MKNK2: variants seen among roughly 807,000 people sequenced by gnomAD.
MKNK2 encodes MAP kinase-interacting serine/threonine-protein kinase 2.
Under a neutral mutation model 55.0 loss-of-function variants are expected in MKNK2, and 54 were observed. The ratio of observed to expected loss-of-function variants is 0.98; its 90% confidence interval spans 0.79 to 1.23. The LOEUF (loss-of-function observed/expected upper bound fraction) is 1.23, where lower values mean the gene tolerates loss of function less well. Among genes scored for constraint, MKNK2 ranks in the 50% most tolerant of loss-of-function variants. MKNK2 has a pLI of 0.00. For missense variants in MKNK2, 685 were observed against 632.1 expected (o/e 1.08, Z -0.90); for synonymous variants, 323 against 256.0 (o/e 1.26, Z -2.50).
chr19:2,040,658 T>C (rs2016857175), intron 12 of MKNK2: 2 of 299,418 alleles, frequency 6.7e-6, no homozygotes, highest in Non-Finnish European at 1.3e-5. Context: ...ACCCGACTCC[T>C]CCTCGACTGG....
chr19:2,046,404 G>C lies in MKNK2; in HGVS notation c.204C>G (p.Arg68=), dbSNP rs34916924. The part of the protein sequence containing the change: ...DAKKRGKKKK[R]GRATDSFSGR... Reference sequence around the variant, plus strand: ...CCGAGAAGCTGTCGGTGGCCCGGCCGCGCTTCTTCTTCTTGCCCCTCTTCT... The same window carrying C: ...CCGAGAAGCTGTCGGTGGCCCGGCCCCGCTTCTTCTTCTTGCCCCTCTTCT... Residue 68 remains arginine, a synonymous_variant, in exon 4 of 14, where the codon CGC becomes CGG. Transcript: ENST00000250896. The C allele has an allele frequency of 6.2e-7, 1 of 1,608,942 alleles. No homozygotes were observed. The highest frequency in any genetic ancestry group is 1.7e-5 in the Admixed American group (1 of 60,010).
chr19:2,050,760 G>T, intron 2 of MKNK2, 41 bp downstream of exon 2: 2 of 1,520,132 alleles, frequency 1.3e-6, no homozygotes, highest in Non-Finnish European at 1.8e-6. Context: ...CCATTCCGGT[G>T]GTCCAGCCCG....
Position 2,041,704 on chromosome 19 carries a change from G to A in MKNK2, c.945+136C>T, listed in dbSNP as rs1194389381. 2.5e-5 allele frequency: 17 copies of A among 667,568 alleles called. No homozygotes were observed. The Admixed American group carries it at 3.2e-4, about 12-fold the overall frequency. The allele number at this position is 667,568 out of a possible 1,614,324, so 41.4% of individuals were successfully genotyped here. ...GGAGCACACAGGGCAGGTCCCCGAG[G>A]GTTAGGGGGTGGTCAGGGGGCAGGT... On this transcript the variant is annotated intron_variant, in intron 11 of 13. Transcript: ENST00000250896.
Position 2,046,156 on chromosome 19 carries a change from T to C in MKNK2, c.339+30A>G, listed in dbSNP as rs752127040. On this transcript the variant is annotated intron_variant, in intron 5 of 13. Transcript: ENST00000250896. ...CCGCTCAACACCGATCCCAAGGCGC[T>C]GGGTTCCCCAGGGCGCGGCGCGGGC... 3.1e-6 allele frequency: 5 copies of C among 1,599,952 alleles called. No homozygotes were observed. The Admixed American group carries it at 5.0e-5, about 16-fold the overall frequency.
In MKNK2 at chr19:2,037,806, GGGA is replaced by G. The variant is rs1464388042; in HGVS notation, c.*1804_*1806del. 1 of 1,605,434 alleles carries G rather than the reference GGGA, an allele frequency of 6.2e-7. No homozygotes were observed. Among genetic ancestry groups the G allele is most frequent in the African/African-American group, 1.3e-5 (1 of 74,272 alleles). The stretch of plus-strand genomic sequence containing the variant: ...CACGTGGATGCGACAGGGGTGGGGA[GGGA>G]GGAGGAAGTGACTGTCCCACCTTCA... On this transcript the variant is annotated 3_prime_UTR_variant, in exon 14 of 14. Transcript: ENST00000250896.
At position 2,042,450 on chromosome 19, in the gene MKNK2, A is replaced by T; in HGVS notation, c.727T>A (p.Ser243Thr). 6.3e-7 allele frequency: 1 copy of T among 1,587,006 alleles called. No homozygotes were observed. The highest frequency in any genetic ancestry group is 8.6e-7 in the Non-Finnish European group (1 of 1,168,396). The change falls in exon 10 of 14, where the codon TCC becomes ACC. Residue 243 changes from serine (S) to threonine (T), a missense_variant. Coordinates refer to ENST00000250896, the MANE Select transcript of MKNK2 (RefSeq NM_199054.3). ...ACCGGAGTGAGCAGCTCCGGGGTGG[A>T]GATAGGGGAGCAGTCCCCGTTGAGT... is the stretch of plus-strand genomic sequence containing the variant. The part of the protein sequence containing the change: ...IKLNGDCSPI[S>T]TPELLTPCGS...
At chr19:2,045,180 C>T (rs1178343681) in intron 5 of MKNK2, among the ~76,000 whole-genome samples, 1 of 152,148 alleles carries the variant, frequency 6.6e-6, no homozygotes, top group Non-Finnish European at 1.5e-5. Flanking sequence ...CACACCAGGT[C>T]AATGTGGCAA....
At chr19:2,041,574 G>A (rs1358208135) in intron 11 of MKNK2, among the ~76,000 whole-genome samples, 2 of 152,150 alleles carry the variant, frequency 1.3e-5, no homozygotes, top group Admixed American at 6.5e-5. Flanking sequence ...TCGGGAAACT[G>A]GCAGACAGGG....
chr19:2,038,692 G>T lies in MKNK2; in HGVS notation c.*921C>A. 1 of 985,728 alleles carries T rather than the reference G, an allele frequency of 1.0e-6. No homozygotes were observed. Among genetic ancestry groups the T allele is most frequent in the Non-Finnish European group, 1.2e-6 (1 of 830,132 alleles). The allele number at this position is 985,728 out of a possible 1,614,324, so 61.1% of individuals were successfully genotyped here. A position where few individuals can be genotyped will look rare whatever the true frequency, so the allele number is the denominator to read the frequency against. ...GCGGCGCGAGGCAGGACGTGGCTACGGTCAGACTGAGCCCTGAGAAGGGGC... is the reference window on the plus strand; with the variant it reads ...GCGGCGCGAGGCAGGACGTGGCTACTGTCAGACTGAGCCCTGAGAAGGGGC... On this transcript the variant is annotated 3_prime_UTR_variant, in exon 14 of 14. Transcript: ENST00000250896.
Position 2,038,686 on chromosome 19 carries a change from G to A in MKNK2, c.*927C>T, listed in dbSNP as rs2016807530. 2.0e-6 allele frequency: 2 copies of A among 985,780 alleles called. No homozygotes were observed. The highest frequency in any genetic ancestry group is 2.4e-6 in the Non-Finnish European group (2 of 830,144). The allele number at this position is 985,780 out of a possible 1,614,324, so 61.1% of individuals were successfully genotyped here. On this transcript the variant is annotated 3_prime_UTR_variant, in exon 14 of 14. Coordinates refer to ENST00000250896, the MANE Select transcript of MKNK2 (RefSeq NM_199054.3). ...CGAGGGGCGGCGCGAGGCAGGACGT[G>A]GCTACGGTCAGACTGAGCCCTGAGA...
intron 7 of MKNK2, 55 bp downstream of exon 7, chr19:2,043,069 A>C: frequency 6.7e-7 from 1 of 1,493,644 alleles, no homozygotes; most frequent in Non-Finnish European, 9.3e-7. Flanking sequence ...CTAGGCCCCC[A>C]TCCCGTAATA....
Position 2,043,146 on chromosome 19 carries a change from C to G in MKNK2, c.471G>C (p.Leu157=). The G allele has an allele frequency of 6.2e-7, 1 of 1,613,806 alleles. No homozygotes were observed. The highest frequency in any genetic ancestry group is 2.2e-5 in the East Asian group (1 of 44,874). ...EFFEEEDRFY[L]VFEKMRGGSI... ...TACCTCCCCGCATCTTCTCAAACAC[C>G]AGGTAGAAGCGGTCCTCCTCCTCGA... The change falls in exon 7 of 14, where the codon CTG becomes CTC. Residue 157 remains leucine, a synonymous_variant. Coordinates refer to ENST00000250896, the MANE Select transcript of MKNK2 (RefSeq NM_199054.3).
chr19:2,048,312 G>A (rs1400286041), intron 2 of MKNK2, among the ~76,000 whole-genome samples: 2 of 152,148 alleles, frequency 1.3e-5, no homozygotes, highest in African/African-American at 4.8e-5. Flanking sequence ...ATTAGAGTAG[G>A]CTTTGCCCAG....
rs552838984 is a variant in MKNK2, at chr19:2,040,030, G to T, written c.1154+104C>A. 6.9e-4 allele frequency: 984 copies of T among 1,423,814 alleles called. 1 individual carries two copies. Among genetic ancestry groups the T allele is most frequent in the Non-Finnish European group, 6.6e-4 (676 of 1,028,956 alleles). 88.2% of individuals were successfully genotyped at this position (1,423,814 alleles called of 1,614,324 possible). On this transcript the variant is annotated intron_variant, in intron 13 of 13. Coordinates refer to ENST00000250896, the MANE Select transcript of MKNK2 (RefSeq NM_199054.3). ...CTTCACTGAGTCACCAGGCTTGCCT[G>T]CCTCCCCGACCCCAAAGCAGTTCTC... is the stretch of plus-strand genomic sequence containing the variant.
At position 2,042,228 on chromosome 19, in the gene MKNK2, G is replaced by C. The variant is rs1052888442; in HGVS notation, c.751-194C>G. 4 of 710,466 alleles carry C rather than the reference G, an allele frequency of 5.6e-6. No homozygotes were observed. In the East Asian group the frequency reaches 1.2e-4, roughly 22 times the overall value. The allele number at this position is 710,466 out of a possible 1,614,324, so 44.0% of individuals were successfully genotyped here. The stretch of plus-strand genomic sequence containing the variant: ...CTCGCCCCTCCCCCGCCGCGGCCCC[G>C]CCCCACCCGGCCAAACACCGACGCG... On this transcript the variant is annotated intron_variant, in intron 10 of 13. Transcript: ENST00000250896.
intron 5 of MKNK2, among the ~76,000 whole-genome samples, chr19:2,045,206 G>A (rs543340908): frequency 4.6e-5 from 7 of 152,224 alleles, no homozygotes; most frequent in Admixed American, 3.9e-4. Context: ...CCAGGGAGGT[G>A]GCTCTGAGAC....
chr19:2,037,661 A>C lies in MKNK2; in HGVS notation c.*1952T>G. 1 of 980,604 alleles carries C rather than the reference A, an allele frequency of 1.0e-6. No individual in the cohort carries two copies. The highest frequency in any genetic ancestry group is 1.4e-6 in the Non-Finnish European group (1 of 719,428). The allele number at this position is 980,604 out of a possible 1,614,324, so 60.7% of individuals were successfully genotyped here. On this transcript the variant is annotated 3_prime_UTR_variant, in exon 14 of 14. Coordinates refer to ENST00000250896, the MANE Select transcript of MKNK2 (RefSeq NM_199054.3). ...TTTTTTTTTTTTGTCTTTTAAAAAC[A>C]TCGTAACATTAACACATGGCCGTTC...
Position 2,037,971 on chromosome 19 carries a change from G to T in MKNK2, c.*1642C>A. ...AAAAAGGCAGAGAATCCCCCGTTACGAAACATGGAATCACTGACAGGCGAG... is the reference window on the plus strand; with the variant it reads ...AAAAAGGCAGAGAATCCCCCGTTACTAAACATGGAATCACTGACAGGCGAG... On this transcript the variant is annotated 3_prime_UTR_variant, in exon 14 of 14. Transcript: ENST00000250896. 7.2e-7 allele frequency: 1 copy of T among 1,381,966 alleles called. No homozygotes were observed. The highest frequency in any genetic ancestry group is 9.4e-7 in the Non-Finnish European group (1 of 1,058,296). The allele number at this position is 1,381,966 out of a possible 1,614,324, so 85.6% of individuals were successfully genotyped here. A position where few individuals can be genotyped will look rare whatever the true frequency, so the allele number is the denominator to read the frequency against.
At chr19:2,045,081 G>A (rs927671805) in intron 5 of MKNK2, among the ~76,000 whole-genome samples, 1 of 152,206 alleles carries the variant, frequency 6.6e-6, no homozygotes, top group Admixed American at 6.5e-5. Flanking sequence ...TCCTCCCACT[G>A]CCACCTGGCC....
Sources: gnomAD v4.1 joint callset for allele counts (sites outside exome capture counted in the v4.1 genomes callset) on GRCh38, gnomAD v4.1.1 for gene constraint, MANE v1.5 for transcripts, NCBI Gene and HGNC (gene_info 2026-07-23, HGNC 2026-07-21) for gene names.